Variants in PDLIM5 observed in about 807,000 individuals in gnomAD.
PDLIM5 encodes PDZ and LIM domain 5, also known as PDZ and LIM domain protein 5.
In PDLIM5, 34 loss-of-function variants were observed where a neutral mutation model predicts 64.2. That is an observed-to-expected ratio of 0.53 (90% CI 0.40 to 0.71). The LOEUF (loss-of-function observed/expected upper bound fraction) is 0.71. PDLIM5 is among the 30% of genes least tolerant of loss of function. PDLIM5 has a pLI of 0.00. For synonymous variants in PDLIM5, 253 were observed against 269.1 expected (o/e 0.94, Z 0.59); for missense variants, 683 against 733.6 (o/e 0.93, Z 0.80).
chr4:94,649,039 A>G (rs1158071238), intron 9 of PDLIM5, among the ~76,000 whole-genome samples: 2 of 151,240 alleles, frequency 1.3e-5, no homozygotes, highest in African/African-American at 2.4e-5. Context: ...GCAGTGGCGC[A>G]ATCTTGGTTC....
chr4:94,576,688 G>C (rs1735293471), intron 5 of PDLIM5, among the ~76,000 whole-genome samples: 1 of 152,220 alleles, frequency 6.6e-6, no homozygotes. Flanking sequence ...TCTGAAATGA[G>C]TAAATTTAAG....
At chr4:94,627,635 T>C (rs1347586932) in intron 8 of PDLIM5, among the ~76,000 whole-genome samples, 4 of 152,216 alleles carry the variant, frequency 2.6e-5, no homozygotes, top group Non-Finnish European at 5.9e-5. Context: ...ACGTATTGTT[T>C]ATGGCTGATT....
intron 11 of PDLIM5, among the ~76,000 whole-genome samples, chr4:94,659,187 T>C (rs1742453387): frequency 6.6e-6 from 1 of 152,206 alleles, no homozygotes; most frequent in South Asian, 2.1e-4. Flanking sequence ...CAGTTTCCTC[T>C]ATCTCAATAA....
chr4:94,521,899 C>G (rs1004288642), intron 2 of PDLIM5, among the ~76,000 whole-genome samples: 2 of 151,990 alleles, frequency 1.3e-5, no homozygotes, highest in Admixed American at 6.6e-5. Context: ...TCTAGGATGA[C>G]TTATGTTTAC....
rs779901847 is a variant in PDLIM5, at chr4:94,664,110, AG to A, written c.*45del. On this transcript the variant is annotated 3_prime_UTR_variant, in exon 13 of 13. Transcript: ENST00000317968. Reference sequence around the variant, plus strand: ...GAAGAGAAGGAATTTGAAGAGAAAAAGGAAAATTAAAATTACTAATTAATTT... The same window carrying A: ...GAAGAGAAGGAATTTGAAGAGAAAAAGAAAATTAAAATTACTAATTAATTT... The A allele has an allele frequency of 6.9e-7, 1 of 1,452,830 alleles. No homozygotes were observed. The highest frequency in any genetic ancestry group is 9.3e-7 in the Non-Finnish European group (1 of 1,080,116). The allele number at this position is 1,452,830 out of a possible 1,614,324, so 90.0% of individuals were successfully genotyped here.
At chr4:94,642,228 T>C (rs1560760303) in intron 9 of PDLIM5, among the ~76,000 whole-genome samples, 1 of 152,200 alleles carries the variant, frequency 6.6e-6, no homozygotes. Flanking sequence ...TTGTATGCTA[T>C]TGTAAGCAAG....
At chr4:94,622,960 C>G (rs57569167) in intron 8 of PDLIM5, among the ~76,000 whole-genome samples, 6 of 151,950 alleles carry the variant, frequency 3.9e-5, no homozygotes, top group Non-Finnish European at 8.8e-5. Flanking sequence ...TAAGCCACCA[C>G]GCCCGGCCTC....
At chr4:94,562,147 T>A (rs1363776380) in intron 3 of PDLIM5, among the ~76,000 whole-genome samples, 1 of 152,214 alleles carries the variant, frequency 6.6e-6, no homozygotes, top group East Asian at 1.9e-4. Flanking sequence ...TTGTGACCCC[T>A]ATTAACCAGT....
intron 3 of PDLIM5, among the ~76,000 whole-genome samples, chr4:94,563,700 A>G (rs1048084287): frequency 6.6e-6 from 1 of 152,220 alleles, no homozygotes; most frequent in African/African-American, 2.4e-5. Flanking sequence ...GGGTGCATAT[A>G]AAGGTGAACC....
chr4:94,620,742 A>C (rs1283316331), intron 8 of PDLIM5, among the ~76,000 whole-genome samples: 2 of 152,002 alleles, frequency 1.3e-5, no homozygotes, highest in Non-Finnish European at 2.9e-5. Context: ...GGCATGTGTT[A>C]ACATGTCACT....
chr4:94,652,843 A>G (rs1741944772), intron 9 of PDLIM5, among the ~76,000 whole-genome samples: 1 of 152,192 alleles, frequency 6.6e-6, no homozygotes, highest in Non-Finnish European at 1.5e-5. Context: ...GTAGGGCTAG[A>G]AAATACCCTC....
intron 2 of PDLIM5, among the ~76,000 whole-genome samples, chr4:94,514,346 G>A (rs1578286290): frequency 6.6e-6 from 1 of 151,908 alleles, no homozygotes; most frequent in Non-Finnish European, 1.5e-5. Context: ...ATGTTAGCCA[G>A]GATGGTCTCA....
intron 5 of PDLIM5, chr4:94,582,910 A>G: frequency 1.1e-5 from 6 of 569,216 alleles, no homozygotes; most frequent in Non-Finnish European, 3.1e-6. Context: ...CATCAGAGGT[A>G]TGTTTAGAAC....
At position 94,506,613 on chromosome 4, in the gene PDLIM5, A is replaced by T. The variant is rs147532599; in HGVS notation, c.97-17111A>T. 6.5e-3 allele frequency among the ~76,000 whole-genome samples: 996 copies of T among 152,336 alleles called. 8 individuals carry two copies. The highest frequency in any genetic ancestry group is 0.01 in the Non-Finnish European group (686 of 68,030). ...CACCTCCTAAAGGTCCCACATCTAA[A>T]TACTGAATTTGAGATTAAGTTTGAA... On this transcript the variant is annotated intron_variant, in intron 2 of 12. Transcript: ENST00000317968.
chr4:94,502,349 C>A (rs979835979), intron 2 of PDLIM5, among the ~76,000 whole-genome samples: 4 of 152,122 alleles, frequency 2.6e-5, no homozygotes, highest in Admixed American at 1.3e-4. Flanking sequence ...ATCAAATGTG[C>A]AATGTGTCAA....
At chr4:94,591,125 T>C (rs933470019) in intron 7 of PDLIM5, among the ~76,000 whole-genome samples, 14 of 152,240 alleles carry the variant, frequency 9.2e-5, no homozygotes, top group Non-Finnish European at 5.9e-5. Flanking sequence ...ATTTGACATA[T>C]GATGCTCTTC....
intron 3 of PDLIM5, among the ~76,000 whole-genome samples, chr4:94,526,738 C>A (rs3133151): frequency 1.3e-5 from 2 of 148,656 alleles, no homozygotes; most frequent in Non-Finnish European, 3.0e-5. Flanking sequence ...TTCTTTCTTT[C>A]TTTTTTTTTT....
chr4:94,470,548 C>A (rs1724777127), intron 2 of PDLIM5, among the ~76,000 whole-genome samples: 2 of 152,120 alleles, frequency 1.3e-5, no homozygotes, highest in African/African-American at 2.4e-5. Flanking sequence ...GGCTAATATA[C>A]CCAATGCCAA....
chr4:94,455,859 CA>C (rs1186502391), intron 2 of PDLIM5: 5 of 1,376,218 alleles, frequency 3.6e-6, no homozygotes, highest in Non-Finnish European at 5.0e-6. Context: ...GTAAGATGGC[CA>C]AAAGCTACTT....
Sources: allele counts gnomAD v4.1 joint callset (sites outside exome capture counted in the v4.1 genomes callset), GRCh38; gene constraint gnomAD v4.1.1; transcripts MANE v1.5; gene names NCBI Gene and HGNC (gene_info 2026-07-23, HGNC 2026-07-21).